PDK1: variants seen among roughly 807,000 people sequenced by gnomAD.
The protein encoded by PDK1 is [Pyruvate dehydrogenase (acetyl-transferring)] kinase isozyme 1, mitochondrial.
In PDK1, 39 loss-of-function variants were observed where a neutral mutation model predicts 54.2. The ratio of observed to expected loss-of-function variants is 0.72; its 90% confidence interval spans 0.56 to 0.94. PDK1 has a LOEUF of 0.94. Among genes scored for constraint, PDK1 ranks in the 40% least tolerant of loss-of-function variants. PDK1 has a pLI of 0.00. For synonymous variants in PDK1, 221 were observed against 207.1 expected, an observed-to-expected ratio of 1.07 and a Z score of -0.58; for missense variants, 552 against 566.0, an observed-to-expected ratio of 0.98 and a Z score of 0.25.
chr2:172,652,191 C>T, the PDK1 span, among the ~76,000 whole-genome samples: 4 of 152,168 alleles, frequency 2.6e-5, no homozygotes, highest in African/African-American at 9.7e-5. Context: ...AGTAATCCAT[C>T]ATATAAACAG....
chr2:172,704,131 G>T, the PDK1 span, among the ~76,000 whole-genome samples: 4 of 152,042 alleles, frequency 2.6e-5, no homozygotes, highest in Admixed American at 6.6e-5. Context: ...TGTAAAATAG[G>T]GTTTAAGAGC....
chr2:172,645,295 G>C, the PDK1 span, among the ~76,000 whole-genome samples: 2 of 76,796 alleles, frequency 2.6e-5, no homozygotes, highest in African/African-American at 9.7e-5. Context: ...TTTTGAGATA[G>C]AGTCTCATTC....
chr2:172,633,248 A>AT, the PDK1 span, among the ~76,000 whole-genome samples: 5 of 151,350 alleles, frequency 3.3e-5, no homozygotes, highest in African/African-American at 9.7e-5. Context: ...GGGTCTCACT[A>AT]TGTTGTCCAG....
At position 172,583,281 on chromosome 2, in the gene PDK1, G is replaced by GTTTTTTTTTTTTTTT. The variant is rs1175087926; in HGVS notation, c.946-2980_946-2966dup. Among the ~76,000 whole-genome samples the GTTTTTTTTTTTTTTT allele has an allele frequency of 2.2e-4, 17 of 77,076 alleles. 2 individuals are homozygous for GTTTTTTTTTTTTTTT. Among genetic ancestry groups the GTTTTTTTTTTTTTTT allele is most frequent in the African/African-American group, 8.1e-4 (15 of 18,482 alleles). The allele number at this position is 77,076 out of a possible 152,430, so 50.6% of individuals were successfully genotyped here. On this transcript the variant is annotated intron_variant, in intron 8 of 10. Coordinates refer to ENST00000282077, the MANE Select transcript of PDK1 (RefSeq NM_002610.5). ...CATAATGCTGCATAAAAGTTTTCTG[G>GTTTTTTTTTTTTTTT]TTTTTTTTTTTTTTTTTTTTTTTTT...
intron 3 of PDK1, chr2:172,562,624 C>A: frequency 1.5e-6 from 1 of 677,854 alleles, no homozygotes; most frequent in Non-Finnish European, 2.6e-6. Flanking sequence ...GAAAATACTG[C>A]CCATATCATC....
chr2:172,578,178 G>A (rs916884719), intron 8 of PDK1, among the ~76,000 whole-genome samples: 2 of 152,202 alleles, frequency 1.3e-5, no homozygotes, highest in Non-Finnish European at 2.9e-5. Flanking sequence ...TGGTTTGGAT[G>A]AGAAATCAGC....
At chr2:172,713,267 T>C in the PDK1 span, among the ~76,000 whole-genome samples, 1 of 152,236 alleles carries the variant, frequency 6.6e-6, no homozygotes, top group African/African-American at 2.4e-5. Context: ...GATTGGTCCA[T>C]GAGCAGCCAT....
At chr2:172,642,322 G>C in the PDK1 span, among the ~76,000 whole-genome samples, 1 of 152,142 alleles carries the variant, frequency 6.6e-6, no homozygotes, top group Non-Finnish European at 1.5e-5. Context: ...TGGGTACTTG[G>C]TGTGAAGATG....
the PDK1 span, among the ~76,000 whole-genome samples, chr2:172,634,040 TA>T: frequency 6.6e-6 from 1 of 150,878 alleles, no homozygotes; most frequent in East Asian, 1.9e-4. Flanking sequence ...CAGGCCTGGC[TA>T]ATTTTTGTAT....
At chr2:172,703,803 C>G in the PDK1 span, among the ~76,000 whole-genome samples, 1 of 103,046 alleles carries the variant, frequency 9.7e-6, no homozygotes, top group Non-Finnish European at 1.8e-5. Flanking sequence ...GAGTCTCGCT[C>G]TATCGCCCAG....
At chr2:172,670,865 G>T in the PDK1 span, among the ~76,000 whole-genome samples, 1 of 152,124 alleles carries the variant, frequency 6.6e-6, no homozygotes, top group African/African-American at 2.4e-5. Context: ...GAGATAAAAG[G>T]CACGAACGTC....
the PDK1 span, among the ~76,000 whole-genome samples, chr2:172,712,692 C>T: frequency 6.6e-6 from 1 of 152,328 alleles, no homozygotes; most frequent in Middle Eastern, 3.4e-3. Context: ...GAGGGTGTCA[C>T]AGCCGTGGCT....
chr2:172,666,317 C>G, the PDK1 span, among the ~76,000 whole-genome samples: 1 of 152,188 alleles, frequency 6.6e-6, no homozygotes, highest in Non-Finnish European at 1.5e-5. Flanking sequence ...GTATCTTTCT[C>G]CAGTAGTCTA....
chr2:172,703,766 C>CTTTTTTTTTTTTTTTTTTTTTTTTTCT, the PDK1 span, among the ~76,000 whole-genome samples: 2 of 89,118 alleles, frequency 2.2e-5, no homozygotes, highest in African/African-American at 4.8e-5. Context: ...TTCTTTCTTT[C>CTTTTTTTTTTTTTTTTTTTTTTTTTCT]TTTTTTTTTT....
chr2:172,719,050 A>G, the PDK1 span, among the ~76,000 whole-genome samples: 1 of 152,240 alleles, frequency 6.6e-6, no homozygotes, highest in Admixed American at 6.5e-5. Context: ...CCTTTTCTAG[A>G]AGGTACTAAA....
the PDK1 span, among the ~76,000 whole-genome samples, chr2:172,668,962 T>G: frequency 3.1e-5 from 4 of 129,568 alleles, no homozygotes; most frequent in Admixed American, 8.1e-5. Context: ...CGGAGTAAAC[T>G]CATACAATAT....
the PDK1 span, among the ~76,000 whole-genome samples, chr2:172,709,003 A>G: frequency 2.6e-5 from 4 of 152,330 alleles, no homozygotes; most frequent in African/African-American, 7.2e-5. Context: ...AGATGGGACA[A>G]AAAGACAGCT....
chr2:172,685,505 G>T, the PDK1 span, among the ~76,000 whole-genome samples: 14 of 152,152 alleles, frequency 9.2e-5, no homozygotes, highest in Admixed American at 5.9e-4. Flanking sequence ...CTCACTTTGG[G>T]TAAGTCACAT....
the PDK1 span, among the ~76,000 whole-genome samples, chr2:172,656,335 G>A: frequency 1.7e-3 from 254 of 152,276 alleles, no homozygotes; most frequent in African/African-American, 5.8e-3. Flanking sequence ...TGATTGATGT[G>A]GTAGTGAGGT....
Sources: gnomAD v4.1 joint callset for allele counts (sites outside exome capture counted in the v4.1 genomes callset) on GRCh38, gnomAD v4.1.1 for gene constraint, MANE v1.5 for transcripts, NCBI Gene and HGNC (gene_info 2026-07-23, HGNC 2026-07-21) for gene names.